GRM5: variants seen among roughly 807,000 people sequenced by gnomAD.
The protein encoded by GRM5 is glutamate metabotropic receptor 5.
GRM5 carries 19 observed loss-of-function variants against 83.1 expected under a neutral mutation model. That is an observed-to-expected ratio of 0.23 (90% CI 0.16 to 0.34). The LOEUF (loss-of-function observed/expected upper bound fraction) is 0.34, where lower values mean the gene tolerates loss of function less well. Ranked by LOEUF, GRM5 falls within the 10% of genes least tolerant of loss-of-function variation. GRM5 has a pLI of 1.00. For missense variants in GRM5, 1,160 were observed against 1,588.3 expected (o/e 0.73, Z 4.58); for synonymous variants, 675 against 633.6 (o/e 1.07, Z -0.98).
At position 88,983,610 on chromosome 11, in the gene GRM5, G is replaced by C. The variant is rs1179895150; in HGVS notation, c.661+63602C>G. On this transcript the variant is annotated intron_variant, in intron 2 of 9. Coordinates refer to ENST00000305447, the MANE Select transcript of GRM5 (RefSeq NM_001143831.3). ...AATCTAACACATACAGTTACATACA[G>C]TACCTAACACTCATTAATGACAATA... Among the ~76,000 whole-genome samples the C allele has an allele frequency of 3.9e-5, 6 of 152,052 alleles. No individual in the cohort carries two copies. The East Asian group carries it at 9.6e-4, about 24-fold the overall frequency.
At chr11:89,003,298 G>A (rs1940440877) in intron 2 of GRM5, among the ~76,000 whole-genome samples, 1 of 152,040 alleles carries the variant, frequency 6.6e-6, no homozygotes, top group Non-Finnish European at 1.5e-5. Context: ...GGGATATAGT[G>A]CCGGGCTTCT....
chr11:88,634,239 C>G (rs1939057474), intron 4 of GRM5, among the ~76,000 whole-genome samples: 1 of 152,082 alleles, frequency 6.6e-6, no homozygotes, highest in Non-Finnish European at 1.5e-5. Context: ...GCCACTATGA[C>G]TTTATAAACA....
intron 5 of GRM5, among the ~76,000 whole-genome samples, chr11:88,597,620 C>T (rs752124494): frequency 8.6e-5 from 13 of 152,012 alleles, no homozygotes; most frequent in South Asian, 2.1e-4. Flanking sequence ...AAGACAGTTT[C>T]GAAATAACTT....
intron 2 of GRM5, among the ~76,000 whole-genome samples, chr11:89,008,296 C>T (rs1197747350): frequency 1.3e-5 from 2 of 152,074 alleles, no homozygotes; most frequent in East Asian, 3.8e-4. Flanking sequence ...ACATGGTTAG[C>T]TGGATTATCA....
intron 9 of GRM5, among the ~76,000 whole-genome samples, chr11:88,515,745 C>G (rs972330478): frequency 1.3e-5 from 2 of 152,090 alleles, no homozygotes; most frequent in Non-Finnish European, 2.9e-5. Context: ...TGATTTTTAC[C>G]AGCAATTACT....
At chr11:88,933,025 T>C (rs1263214725) in intron 2 of GRM5, among the ~76,000 whole-genome samples, 3 of 151,840 alleles carry the variant, frequency 2.0e-5, no homozygotes, top group African/African-American at 7.2e-5. Context: ...GAGATTCTTT[T>C]AAATCATCTC....
intron 2 of GRM5, among the ~76,000 whole-genome samples, chr11:88,936,780 A>G (rs1051576328): frequency 1.3e-5 from 2 of 151,874 alleles, no homozygotes; most frequent in Non-Finnish European, 2.9e-5. Flanking sequence ...AAGGGCATTG[A>G]AAAAGCCCAA....
In GRM5 at chr11:88,788,946, C is replaced by T. The variant is rs1943122000; in HGVS notation, c.911+60960G>A. 2.0e-5 allele frequency among the ~76,000 whole-genome samples: 3 copies of T among 152,218 alleles called. No homozygotes were observed. In the South Asian group the frequency reaches 6.2e-4, roughly 32 times the overall value. On this transcript the variant is annotated intron_variant, in intron 3 of 9. Transcript: ENST00000305447. ...GATTCTGTGCCTCCTTTACCATGAACCATTGTTATTTTAGAGGGCAGCAAT... is the reference window on the plus strand; with the variant it reads ...GATTCTGTGCCTCCTTTACCATGAATCATTGTTATTTTAGAGGGCAGCAAT...
chr11:88,538,717 C>T (rs182241640), intron 8 of GRM5, among the ~76,000 whole-genome samples: 2 of 152,186 alleles, frequency 1.3e-5, no homozygotes, highest in East Asian at 3.9e-4. Flanking sequence ...GTTCCAGACA[C>T]AATTCTAAGT....
intron 2 of GRM5, among the ~76,000 whole-genome samples, chr11:89,010,921 G>A (rs78517079): frequency 0.033 from 5,038 of 152,272 alleles, 271 homozygotes; most frequent in African/African-American, 0.11. Flanking sequence ...TTAGTGGTCT[G>A]AGGCATCCTG....
intron 3 of GRM5, among the ~76,000 whole-genome samples, chr11:88,799,709 G>A (rs1943352390): frequency 2.0e-5 from 3 of 152,042 alleles, no homozygotes; most frequent in South Asian, 2.1e-4. Context: ...TTTCCCTAGA[G>A]CAACATTAGC....
intron 2 of GRM5, among the ~76,000 whole-genome samples, chr11:89,033,739 G>T (rs1941318914): frequency 1.3e-5 from 2 of 151,654 alleles, no homozygotes. Context: ...AATCTCTAAA[G>T]TCACAAATAA....
chr11:88,979,169 G>A (rs1438431538), intron 2 of GRM5, among the ~76,000 whole-genome samples: 1 of 152,078 alleles, frequency 6.6e-6, no homozygotes, highest in East Asian at 1.9e-4. Flanking sequence ...AAGGAGAATT[G>A]GGGCCTTGGA....
chr11:88,558,692 T>C (rs185488623), intron 8 of GRM5, among the ~76,000 whole-genome samples: 1 of 150,392 alleles, frequency 6.6e-6, no homozygotes, highest in African/African-American at 2.4e-5. Flanking sequence ...GTCCCACAAC[T>C]TGGGAGGCTG....
chr11:88,695,781 G>A (rs937669558), intron 3 of GRM5, among the ~76,000 whole-genome samples: 2 of 152,096 alleles, frequency 1.3e-5, no homozygotes, highest in Non-Finnish European at 2.9e-5. Context: ...GGTGTGGCTC[G>A]CTTCTTCCAT....
chr11:88,608,038 G>A (rs1938207510), intron 4 of GRM5, among the ~76,000 whole-genome samples: 1 of 152,206 alleles, frequency 6.6e-6, no homozygotes, highest in Non-Finnish European at 1.5e-5. Flanking sequence ...ACCCAGGGCA[G>A]GCTGCTTTCC....
intron 2 of GRM5, among the ~76,000 whole-genome samples, chr11:88,927,546 C>T (rs1369837086): frequency 6.6e-6 from 1 of 152,064 alleles, no homozygotes; most frequent in Non-Finnish European, 1.5e-5. Flanking sequence ...ATAAAATTGG[C>T]AATTTTTAGA....
At chr11:88,917,901 G>T (rs1945621569) in intron 2 of GRM5, among the ~76,000 whole-genome samples, 1 of 151,842 alleles carries the variant, frequency 6.6e-6, no homozygotes, top group Admixed American at 6.6e-5. Flanking sequence ...AGAGAGATTG[G>T]GGTAGAAAGC....
intron 3 of GRM5, among the ~76,000 whole-genome samples, chr11:88,714,385 C>A (rs1941353277): frequency 6.6e-6 from 1 of 151,914 alleles, no homozygotes; most frequent in Non-Finnish European, 1.5e-5. Context: ...GCAGACAGGC[C>A]AGCTGCAAAA....
Sources: allele counts gnomAD v4.1 joint callset (sites outside exome capture counted in the v4.1 genomes callset), GRCh38; gene constraint gnomAD v4.1.1; transcripts MANE v1.5; gene names NCBI Gene and HGNC (gene_info 2026-07-23, HGNC 2026-07-21).